DOP1B: variants seen among roughly 807,000 people sequenced by gnomAD.
DOP1B encodes protein DOP1B.
Under a neutral mutation model 233.5 loss-of-function variants are expected in DOP1B, and 174 were observed. The ratio of observed to expected loss-of-function variants is 0.75; its 90% CI spans 0.66 to 0.85. DOP1B has a LOEUF of 0.85. Among genes scored for constraint, DOP1B ranks in the 40% least tolerant of loss-of-function variants. DOP1B has a pLI of 0.00. For synonymous variants in DOP1B, 1,190 were observed against 1,185.6 expected (o/e 1.00, Z -0.08); for missense variants, 2,652 against 2,846.6 (o/e 0.93, Z 1.56).
At position 36,246,535 on chromosome 21, in the gene DOP1B, T is replaced by G; in HGVS notation, c.4555T>G (p.Trp1519Gly). Reference sequence around the variant, plus strand: ...CTACGGTTACGGCATGCATCCGGCCTGGGTGAGCTTGGTCACGCATTCCTT... The same window carrying G: ...CTACGGTTACGGCATGCATCCGGCCGGGGTGAGCTTGGTCACGCATTCCTT... ...PAYGYGMHPA[W>G]VSLVTHSLPY... Residue 1519 changes from tryptophan to glycine, a missense_variant, in exon 19 of 37, where the codon TGG becomes GGG. Trp to Gly is a radical substitution (Grantham distance 184). Around this residue, in one of 3 missense-constraint regions of DOP1B, gnomAD observed 2,617 missense variants for 2,794.3 expected, o/e 0.94. Coordinates refer to ENST00000691173, the MANE Select transcript of DOP1B (RefSeq NM_001320714.2). This position sits in a 1 kb window ranked among gnomAD's most constrained non-coding sequence, Gnocchi z 5.1. The G allele has an allele frequency of 6.2e-7, 1 of 1,614,178 alleles. No homozygotes were observed. The highest frequency in any genetic ancestry group is 1.1e-5 in the South Asian group (1 of 91,088).
intron 21 of DOP1B, among the ~76,000 whole-genome samples, chr21:36,248,943 A>C (rs1468834578): frequency 6.6e-6 from 1 of 151,666 alleles, no homozygotes; most frequent in East Asian, 1.9e-4. Flanking sequence ...CATCTCTACT[A>C]AAAATACAAA....
At chr21:36,165,161 A>G (rs2065897536) in intron 2 of DOP1B, among the ~76,000 whole-genome samples, 1 of 152,202 alleles carries the variant, frequency 6.6e-6, no homozygotes, top group Admixed American at 6.5e-5. Flanking sequence ...TTTTCTGAGC[A>G]TAAAAATATA....
intron 31 of DOP1B, among the ~76,000 whole-genome samples, chr21:36,280,779 G>A (rs957979589): frequency 2.0e-5 from 3 of 152,128 alleles, no homozygotes; most frequent in South Asian, 2.1e-4. Flanking sequence ...TGAGATGGGC[G>A]GATCACAGGG....
intron 14 of DOP1B, among the ~76,000 whole-genome samples, chr21:36,231,547 G>A (rs958751654): frequency 6.6e-6 from 1 of 152,172 alleles, no homozygotes; most frequent in African/African-American, 2.4e-5. Flanking sequence ...TAAGGGTGGG[G>A]CCTATGTTTT....
intron 4 of DOP1B, among the ~76,000 whole-genome samples, chr21:36,204,658 A>ATTTTTT (rs56725433): frequency 0.037 from 4,312 of 115,052 alleles, 288 homozygotes; most frequent in South Asian, 0.063. Context: ...TGACATTTCT[A>ATTTTTT]TTTTTTTTTT....
chr21:36,227,122 G>C (rs909456111), intron 12 of DOP1B, among the ~76,000 whole-genome samples: 2 of 151,352 alleles, frequency 1.3e-5, no homozygotes, highest in Admixed American at 1.3e-4. Flanking sequence ...GCAGGAGAAT[G>C]GTGTGAACCT....
rs1310613290 is a variant in DOP1B at position 36,199,137 on chromosome 21, A to G, written c.206A>G (p.Gln69Arg). 3.1e-6 allele frequency: 5 copies of G among 1,614,086 alleles called. No individual in the cohort carries two copies. The highest frequency in any genetic ancestry group is 3.4e-6 in the Non-Finnish European group (4 of 1,180,006). ...CTCCTCATCAGCAAAAGATTAGCTC[A>G]GTGTTTGCACCCTGCCCTGCCCAGT... ...RRLLISKRLA[Q>R]CLHPALPSGV... is the part of the protein sequence containing the mutation. The change falls in exon 3 of 37, where the codon CAG (glutamine) becomes CGG (arginine). Residue 69 changes from glutamine to arginine, a missense_variant. This residue lies in a region of DOP1B where 2,617 missense variants were observed against 2,794.3 expected (regional missense o/e 0.94). Coordinates refer to ENST00000691173, the MANE Select transcript of DOP1B (RefSeq NM_001320714.2).
chr21:36,206,768 G>A (rs1273693250), intron 4 of DOP1B, among the ~76,000 whole-genome samples: 1 of 152,156 alleles, frequency 6.6e-6, no homozygotes, highest in Non-Finnish European at 1.5e-5. Flanking sequence ...TCAGAGCTAG[G>A]CAAAGACAAG....
intron 27 of DOP1B, among the ~76,000 whole-genome samples, chr21:36,272,219 G>C (rs1023744672): frequency 1.3e-5 from 2 of 152,126 alleles, no homozygotes; most frequent in Admixed American, 1.3e-4. Flanking sequence ...TGGGTGTAGT[G>C]GCTCCCACCT....
intron 33 of DOP1B, among the ~76,000 whole-genome samples, chr21:36,288,355 A>T (rs2067513236): frequency 6.6e-6 from 1 of 152,188 alleles, no homozygotes; most frequent in South Asian, 2.1e-4. Flanking sequence ...CAGTTATTCC[A>T]ACTAACTTGT....
intron 12 of DOP1B, 134 bp downstream of exon 12, chr21:36,225,801 T>C: frequency 2.1e-6 from 2 of 940,536 alleles, no homozygotes; most frequent in Non-Finnish European, 3.2e-6. Context: ...GATGTTTGTT[T>C]TGGCATAAAA....
chr21:36,228,729 G>A (rs1030020338), intron 13 of DOP1B, among the ~76,000 whole-genome samples: 1 of 151,816 alleles, frequency 6.6e-6, no homozygotes, highest in African/African-American at 2.4e-5. Flanking sequence ...TAGTGCCACT[G>A]CAGTCCAGCC....
At position 36,288,131 on chromosome 21, in the gene DOP1B, C is replaced by T; in HGVS notation, c.6278C>T (p.Pro2093Leu). Residue 2093 changes from proline to leucine, a missense_variant, in exon 33 of 37, where the codon CCA (proline) becomes CTA (leucine). Transcript: ENST00000691173. ...ISPQHLTSLW[P>L]IMVSELIQTF... Reference sequence around the variant, plus strand: ...CCTCAACATTTGACTTCATTGTGGCCAATAATGGTCTCTGAATTGGTGAGT... The same window carrying T: ...CCTCAACATTTGACTTCATTGTGGCTAATAATGGTCTCTGAATTGGTGAGT... The T allele has an allele frequency of 6.2e-7, 1 of 1,613,430 alleles. No individual in the cohort carries two copies. The highest frequency in any genetic ancestry group is 8.5e-7 in the Non-Finnish European group (1 of 1,179,868).
At chr21:36,208,942 C>T (rs374948091) in intron 5 of DOP1B, 38 bp downstream of exon 5, 136 of 1,466,038 alleles carry the variant, frequency 9.3e-5, no homozygotes, top group Admixed American at 1.5e-4. Flanking sequence ...GGGGAGGAGG[C>T]GACATGTGGG....
chr21:36,254,056 G>A, intron 23 of DOP1B, 147 bp downstream of exon 23: 1 of 1,088,242 alleles, frequency 9.2e-7, no homozygotes, highest in Non-Finnish European at 1.3e-6. Flanking sequence ...TGGAGGTGCT[G>A]TTTGCTGTGC....
At chr21:36,256,354 TC>T (rs2067097296) in intron 23 of DOP1B, among the ~76,000 whole-genome samples, 2 of 151,954 alleles carry the variant, frequency 1.3e-5, no homozygotes. Context: ...GACAGGAGGA[TC>T]AGTTGAGCAC....
At chr21:36,197,963 T>C (rs1456793965) in intron 2 of DOP1B, among the ~76,000 whole-genome samples, 1 of 145,720 alleles carries the variant, frequency 6.9e-6, no homozygotes, top group African/African-American at 2.6e-5. Flanking sequence ...GAGGTTGCAG[T>C]GAGCCAAGAT....
At chr21:36,169,182 T>C in intron 2 of DOP1B, 1 of 1,041,200 alleles carries the variant, frequency 9.6e-7, no homozygotes, top group Non-Finnish European at 1.5e-6. Context: ...ACACAGCCTT[T>C]CAGCATAACA....
chr21:36,159,990 G>A (rs1195753118), intron 1 of DOP1B, among the ~76,000 whole-genome samples: 2 of 152,144 alleles, frequency 1.3e-5, no homozygotes, highest in East Asian at 1.9e-4. Flanking sequence ...ATTAGGCTAT[G>A]AACTATGAGA....
Sources: allele counts gnomAD v4.1 joint callset (sites outside exome capture counted in the v4.1 genomes callset), GRCh38; gene constraint gnomAD v4.1.1; regional missense constraint gnomAD v4.1.1; non-coding constraint Gnocchi (gnomAD v3.1); transcripts MANE v1.5; gene names NCBI Gene and HGNC (gene_info 2026-07-23, HGNC 2026-07-21).